Variants in GRB10 observed in about 807,000 individuals in gnomAD.
GRB10 encodes the protein growth factor receptor-bound protein 10.
GRB10 carries 20 observed loss-of-function variants against 80.9 expected under a neutral mutation model. The observed-to-expected ratio is 0.25, with a 90% CI of 0.17 to 0.36. The LOEUF is 0.36. Ranked by LOEUF, GRB10 falls within the 10% of genes least tolerant of loss-of-function variation. The pLI, the probability that GRB10 is intolerant of heterozygous loss-of-function variation, is 1.00. For synonymous variants in GRB10, 291 were observed against 291.5 expected, an observed-to-expected ratio of 1.00 and a Z score of 0.02; for missense variants, 548 against 747.7, an observed-to-expected ratio of 0.73 and a Z score of 3.12.
At chr7:50,603,952 A>G (rs753747747) in intron 17 of GRB10, 46 bp downstream of exon 17, 3 of 1,401,148 alleles carry the variant, frequency 2.1e-6, no homozygotes, top group South Asian at 2.3e-5. Flanking sequence ...CCCCAGCACA[A>G]TAAAACCTTA....
At chr7:50,642,643 A>C (rs556830002) in intron 7 of GRB10, among the ~76,000 whole-genome samples, 2 of 152,194 alleles carry the variant, frequency 1.3e-5, no homozygotes, top group Admixed American at 6.5e-5. Flanking sequence ...TCAGATTGGG[A>C]TACTCAGCTA....
At chr7:50,614,584 G>A (rs1462665095) in intron 12 of GRB10, among the ~76,000 whole-genome samples, 186 bp downstream of exon 12, 1 of 151,408 alleles carries the variant, frequency 6.6e-6, no homozygotes, top group Non-Finnish European at 1.5e-5. Context: ...TTGAGCTTCT[G>A]AGCTACTCAA....
At chr7:50,662,551 G>T (rs116146250) in intron 7 of GRB10, among the ~76,000 whole-genome samples, 31 of 152,240 alleles carry the variant, frequency 2.0e-4, no homozygotes, top group African/African-American at 7.2e-4. Context: ...TCAGAGGTCT[G>T]GGAGGGGCAG....
At chr7:50,602,456 G>GC (rs1461219541) in intron 17 of GRB10, among the ~76,000 whole-genome samples, 3 of 152,134 alleles carry the variant, frequency 2.0e-5, no homozygotes, top group African/African-American at 7.2e-5. Flanking sequence ...CAGAAGAAAT[G>GC]CATCTGATCA....
chr7:50,650,044 C>T (rs1258914676), intron 7 of GRB10, among the ~76,000 whole-genome samples: 1 of 152,060 alleles, frequency 6.6e-6, no homozygotes, highest in Non-Finnish European at 1.5e-5. Flanking sequence ...GAGAAGACCA[C>T]TAGAGTGGGG....
rs1023517324 is a variant in GRB10, at chr7:50,746,411, G to A, written c.-47+9476C>T. Among the ~76,000 whole-genome samples, 2 of 152,098 alleles carry A rather than the reference G, an allele frequency of 1.3e-5. 1 individual carries two copies. Among genetic ancestry groups the A allele is most frequent in the Non-Finnish European group, 2.9e-5 (2 of 68,028 alleles). ...TTACGACATTTGTGTCTTATGATGGGTTTATCAGAATGGAACCCTGTAAAC... is the reference window on the plus strand; with the variant it reads ...TTACGACATTTGTGTCTTATGATGGATTTATCAGAATGGAACCCTGTAAAC... On this transcript the variant is annotated intron_variant, in intron 3 of 18. Transcript: ENST00000401949.
At chr7:50,737,501 CTTT>C (rs1383549964) in intron 3 of GRB10, among the ~76,000 whole-genome samples, 1 of 152,218 alleles carries the variant, frequency 6.6e-6, no homozygotes, top group Non-Finnish European at 1.5e-5. Flanking sequence ...AACCTCTCTT[CTTT>C]ATCTCTTCTT....
At chr7:50,642,918 G>A (rs1368406698) in intron 7 of GRB10, among the ~76,000 whole-genome samples, 1 of 152,172 alleles carries the variant, frequency 6.6e-6, no homozygotes, top group Non-Finnish European at 1.5e-5. Context: ...AGACAAACTG[G>A]ACAACATCAT....
At chr7:50,757,161 C>A (rs116768527) in intron 2 of GRB10, among the ~76,000 whole-genome samples, 12 of 152,278 alleles carry the variant, frequency 7.9e-5, no homozygotes, top group African/African-American at 2.9e-4. Flanking sequence ...AATCCAGGCA[C>A]CAGAGAGTCT....
chr7:50,710,811 C>A, intron 4 of GRB10: 1 of 1,552,916 alleles, frequency 6.4e-7, no homozygotes, highest in South Asian at 1.1e-5. Flanking sequence ...ATTAAAATAA[C>A]ATAAATAAAG....
At chr7:50,736,943 G>T (rs534027867) in intron 3 of GRB10, among the ~76,000 whole-genome samples, 1 of 152,248 alleles carries the variant, frequency 6.6e-6, no homozygotes, top group African/African-American at 2.4e-5. Context: ...ACTCTTAGAA[G>T]TAAAGACAGG....
intron 8 of GRB10, among the ~76,000 whole-genome samples, chr7:50,619,722 T>C (rs2051314534): frequency 6.6e-6 from 1 of 152,192 alleles, no homozygotes; most frequent in Admixed American, 6.5e-5. Context: ...TAGAAGCTTT[T>C]TGATGACATC....
chr7:50,792,541 C>A (rs1588152046), intron 1 of GRB10: 1 of 398,456 alleles, frequency 2.5e-6, no homozygotes, highest in Non-Finnish European at 4.4e-6. Context: ...TTTCCTTCTG[C>A]AAACGGTACC....
At chr7:50,602,892 TTTAAAA>T (rs1169071150) in intron 17 of GRB10, among the ~76,000 whole-genome samples, 1 of 152,056 alleles carries the variant, frequency 6.6e-6, no homozygotes, top group African/African-American at 2.4e-5. Flanking sequence ...TGAAATTTCC[TTTAAAA>T]TAGAAGAGGA....
At position 50,713,906 on chromosome 7, in the gene GRB10, T is replaced by TC. The variant is rs534238871; in HGVS notation, c.52-9999dup. 1.2e-3 allele frequency among the ~76,000 whole-genome samples: 189 copies of TC among 151,294 alleles called. 1 individual carries two copies. The East Asian group carries it at 0.023, about 18-fold the overall frequency. ...TCCTCCTCCTCCACTACCTACCCCTTCATCACCACTTCCACCCATTCCATC... is the reference window on the plus strand; with the variant it reads ...TCCTCCTCCTCCACTACCTACCCCTTCCATCACCACTTCCACCCATTCCATC... On this transcript the variant is annotated intron_variant, in intron 4 of 18. Coordinates refer to ENST00000401949, the MANE Select transcript of GRB10 (RefSeq NM_001350814.2).
chr7:50,612,852 A>G lies in GRB10; in HGVS notation c.1096-13T>C. On this transcript the variant is annotated splice_polypyrimidine_tract_variant and intron_variant, in intron 12 of 18. Transcript: ENST00000401949. ...TGACTTTGTTTGGCTACAGGAGGTA[A>G]AAGAAAGTCCTGTTAGTGTTACACA... 2 of 1,582,594 alleles carry G rather than the reference A, an allele frequency of 1.3e-6. No individual in the cohort carries two copies. The highest frequency in any genetic ancestry group is 1.7e-6 in the Non-Finnish European group (2 of 1,151,732).
At chr7:50,616,090 T>G in intron 11 of GRB10, 120 bp downstream of exon 11, 7 of 1,119,906 alleles carry the variant, frequency 6.3e-6, no homozygotes, top group Non-Finnish European at 9.3e-6. Context: ...ATTAAGAAGT[T>G]GTCCTGAGCT....
intron 3 of GRB10, among the ~76,000 whole-genome samples, chr7:50,736,345 A>G (rs1362352442): frequency 1.3e-5 from 2 of 152,252 alleles, no homozygotes; most frequent in Non-Finnish European, 2.9e-5. Context: ...AGGCTACAGT[A>G]ATCAAAACAG....
At chr7:50,764,886 C>G (rs1188210555) in intron 2 of GRB10, among the ~76,000 whole-genome samples, 1 of 152,102 alleles carries the variant, frequency 6.6e-6, no homozygotes, top group African/African-American at 2.4e-5. Context: ...GAATTCCAAA[C>G]AGAGAAAATG....
Sources: gnomAD v4.1 joint callset for allele counts (sites outside exome capture counted in the v4.1 genomes callset) on GRCh38, gnomAD v4.1.1 for gene constraint, MANE v1.5 for transcripts, NCBI Gene and HGNC (gene_info 2026-07-23, HGNC 2026-07-21) for gene names.